Variants in ASZ1 observed in about 807,000 individuals in gnomAD.
The protein encoded by ASZ1 is ankyrin repeat, SAM and basic leucine zipper domain-containing protein 1.
ASZ1 carries 67 observed loss-of-function variants against 61.8 expected under a neutral mutation model. The ratio of observed to expected loss-of-function variants is 1.08; its 90% CI spans 0.89 to 1.33. The LOEUF (loss-of-function observed/expected upper bound fraction) is 1.33, where lower values mean the gene tolerates loss of function less well. Among genes scored for constraint, ASZ1 ranks in the 40% most tolerant of loss-of-function variants. The probability of loss-of-function intolerance (pLI) is 0.00; values close to 1 mark genes in which losing one functional copy is unlikely to be tolerated. For synonymous variants in ASZ1, 193 were observed against 192.7 expected (o/e 1.00, Z -0.01); for missense variants, 577 against 554.5 (o/e 1.04, Z -0.41).
chr7:117,372,927 T>C (rs577122364), intron 10 of ASZ1, among the ~76,000 whole-genome samples: 1 of 152,322 alleles, frequency 6.6e-6, no homozygotes, highest in Non-Finnish European at 1.5e-5. Context: ...AATAATTATA[T>C]TGATGCAATG....
At chr7:117,420,786 C>G (rs1797085486) in intron 3 of ASZ1, among the ~76,000 whole-genome samples, 1 of 152,168 alleles carries the variant, frequency 6.6e-6, no homozygotes, top group Admixed American at 6.5e-5. Flanking sequence ...TTTCCTAAAA[C>G]TCTTCTTCCC....
chr7:117,397,301 T>G (rs890181407), intron 4 of ASZ1, among the ~76,000 whole-genome samples: 1 of 152,022 alleles, frequency 6.6e-6, no homozygotes, highest in African/African-American at 2.4e-5. Context: ...TACAAAAGAT[T>G]CTTGTTAATC....
At chr7:117,406,894 G>T (rs955631008) in intron 4 of ASZ1, among the ~76,000 whole-genome samples, 5 of 152,054 alleles carry the variant, frequency 3.3e-5, no homozygotes, top group African/African-American at 1.2e-4. Flanking sequence ...ATTTAGAGTA[G>T]ACTCTAATAA....
chr7:117,383,136 T>C, intron 6 of ASZ1, 26 bp from the exon 7 acceptor site: 1 of 1,514,472 alleles, frequency 6.6e-7, no homozygotes, highest in South Asian at 1.3e-5. Flanking sequence ...ATCATTCAAA[T>C]ATAATTAACA....
intron 4 of ASZ1, among the ~76,000 whole-genome samples, chr7:117,404,323 GCTGT>G (rs961327017): frequency 6.6e-6 from 1 of 151,006 alleles, no homozygotes; most frequent in African/African-American, 2.4e-5. Flanking sequence ...ACAGTATTAG[GCTGT>G]CTTTTTTTTT....
intron 8 of ASZ1, among the ~76,000 whole-genome samples, chr7:117,381,425 G>T (rs1796250465): frequency 6.6e-6 from 1 of 151,980 alleles, no homozygotes; most frequent in African/African-American, 2.4e-5. Context: ...TTTTACTCAA[G>T]ATTTCTCCAA....
intron 11 of ASZ1, chr7:117,367,789 C>A: frequency 1.0e-6 from 1 of 976,504 alleles, no homozygotes; most frequent in Non-Finnish European, 1.2e-6. Flanking sequence ...ATATAAAAAT[C>A]ACTGGAAAAC....
chr7:117,402,817 A>G (rs939368340), intron 4 of ASZ1, among the ~76,000 whole-genome samples: 3 of 152,154 alleles, frequency 2.0e-5, no homozygotes, highest in Non-Finnish European at 4.4e-5. Context: ...ACCCAACCAG[A>G]TGACACCGAA....
In ASZ1 at chr7:117,371,125, C is replaced by A. The variant is rs1033024231; in HGVS notation, c.1056-2408G>T. Among the ~76,000 whole-genome samples the A allele has an allele frequency of 3.3e-5, 5 of 152,026 alleles. No individual in the cohort carries two copies. The East Asian group carries it at 7.7e-4, about 23-fold the overall frequency. ...TAGGCGTGAGCCACCATCCTAGCCC[C>A]CAAAGGATACTTCTAAGCCCATACA... On this transcript the variant is annotated intron_variant, in intron 10 of 12. Coordinates refer to ENST00000284629, the MANE Select transcript of ASZ1 (RefSeq NM_130768.3).
chr7:117,424,513 C>T (rs776860398), intron 2 of ASZ1, among the ~76,000 whole-genome samples: 2 of 152,144 alleles, frequency 1.3e-5, no homozygotes, highest in African/African-American at 2.4e-5. Flanking sequence ...TAAAAATGAA[C>T]TTTAAAAATT....
intron 12 of ASZ1, among the ~76,000 whole-genome samples, chr7:117,366,004 C>T (rs1278069170): frequency 6.6e-6 from 1 of 152,234 alleles, no homozygotes; most frequent in African/African-American, 2.4e-5. Context: ...TGGCGCACAC[C>T]AGTAATCTCA....
chr7:117,411,432 A>C (rs572700287), intron 4 of ASZ1, among the ~76,000 whole-genome samples: 1 of 151,958 alleles, frequency 6.6e-6, no homozygotes, highest in Non-Finnish European at 1.5e-5. Flanking sequence ...CAAAACTATA[A>C]CATGCTCACT....
Position 117,426,916 on chromosome 7 carries a change from G to C in ASZ1, c.125C>G (p.Pro42Arg). ...AAATTTTTCTTTCTTTTCTTCAATG[G>C]GTAATAGCCTTTTCAATTTCTAGAA... ...RTSQKLKRLLPIEEKKEKFKK... is the reference protein window; with the variant it reads ...RTSQKLKRLLRIEEKKEKFKK... Residue 42 changes from proline to arginine, a missense_variant, in exon 2 of 13, where the codon CCC (proline) becomes CGC (arginine). Transcript: ENST00000284629. 1 of 1,596,218 alleles carries C rather than the reference G, an allele frequency of 6.3e-7. No individual in the cohort carries two copies. Among genetic ancestry groups the C allele is most frequent in the African/African-American group, 1.4e-5 (1 of 73,548 alleles).
intron 10 of ASZ1, among the ~76,000 whole-genome samples, chr7:117,378,233 C>T (rs1267047597): frequency 6.6e-6 from 1 of 151,946 alleles, no homozygotes; most frequent in Non-Finnish European, 1.5e-5. Flanking sequence ...CTGTGAAAGA[C>T]CCCATTAAGA....
At chr7:117,426,797 G>A in intron 2 of ASZ1, 39 bp downstream of exon 2, 1 of 1,519,634 alleles carries the variant, frequency 6.6e-7, no homozygotes, top group African/African-American at 1.4e-5. Context: ...GCGAACTTAA[G>A]ACAGCTGTGT....
chr7:117,404,683 TC>T (rs1261146313), intron 4 of ASZ1, among the ~76,000 whole-genome samples: 1 of 152,138 alleles, frequency 6.6e-6, no homozygotes, highest in Non-Finnish European at 1.5e-5. Flanking sequence ...CATCCCCAAC[TC>T]CCAGAGGAGG....
At chr7:117,384,681 T>C (rs768607315) in intron 6 of ASZ1, 45 bp downstream of exon 6, 1 of 1,548,498 alleles carries the variant, frequency 6.5e-7, no homozygotes, top group Non-Finnish European at 8.8e-7. Flanking sequence ...CAAATGATAA[T>C]GTGATATGCC....
At chr7:117,411,419 T>C (rs1220473181) in intron 4 of ASZ1, among the ~76,000 whole-genome samples, 2 of 151,494 alleles carry the variant, frequency 1.3e-5, no homozygotes, top group Non-Finnish European at 3.0e-5. Context: ...ATCAGAAAAA[T>C]AACAAAACTA....
At position 117,385,742 on chromosome 7, in the gene ASZ1, C is replaced by T; in HGVS notation, c.508G>A (p.Ala170Thr). The change falls in exon 5 of 13, where the codon GCT becomes ACT. Residue 170 changes from alanine to threonine, a missense_variant. Ala to Thr is a moderately conservative substitution (Grantham distance 58). Coordinates refer to ENST00000284629, the MANE Select transcript of ASZ1 (RefSeq NM_130768.3). ...GHTQVVALLV[A>T]HGAEVNTQDE... ...TGGGTATTAACTTCTGCTCCATGAG[C>T]AACAAGGAGAGCAACAACCTGGGTG... 1 of 1,613,354 alleles carries T rather than the reference C, an allele frequency of 6.2e-7. No homozygotes were observed. The highest frequency in any genetic ancestry group is 1.1e-5 in the South Asian group (1 of 91,066).
Sources: gnomAD v4.1 joint callset for allele counts (sites outside exome capture counted in the v4.1 genomes callset) on GRCh38, gnomAD v4.1.1 for gene constraint, MANE v1.5 for transcripts, NCBI Gene and HGNC (gene_info 2026-07-23, HGNC 2026-07-21) for gene names.